Variants in LRRTM4 observed in about 807,000 individuals in gnomAD.
LRRTM4 encodes the protein leucine-rich repeat transmembrane neuronal protein 4.
LRRTM4 carries 25 observed loss-of-function variants against 47.6 expected under a neutral mutation model. The ratio of observed to expected loss-of-function variants is 0.53; its 90% CI spans 0.38 to 0.73. The LOEUF (loss-of-function observed/expected upper bound fraction) is 0.73, where lower values mean the gene tolerates loss of function less well. LRRTM4 is among the 30% of genes least tolerant of loss of function. The pLI is 0.00. For synonymous variants in LRRTM4, 311 were observed against 269.5 expected (o/e 1.15, Z -1.51); for missense variants, 638 against 713.4 (o/e 0.89, Z 1.20).
At chr2:76,876,886 A>G (rs1208745321) in intron 3 of LRRTM4, among the ~76,000 whole-genome samples, 2 of 152,110 alleles carry the variant, frequency 1.3e-5, no homozygotes, top group Non-Finnish European at 2.9e-5. Context: ...GGCAATCAAA[A>G]GGAGATGATG....
rs562022432 is a variant in LRRTM4, at chr2:77,249,075, C to T, written c.1551+269243G>A. On this transcript the variant is annotated intron_variant, in intron 3 of 3. Coordinates refer to ENST00000409884, the MANE Select transcript of LRRTM4 (RefSeq NM_001134745.3). ...TAAAATTAAAAATTTGGGGGCCTGGCGCGGTGGCTCATGACTTTAATCCTA... is the reference window on the plus strand; with the variant it reads ...TAAAATTAAAAATTTGGGGGCCTGGTGCGGTGGCTCATGACTTTAATCCTA... Among the ~76,000 whole-genome samples the T allele has an allele frequency of 1.5e-4, 23 of 152,172 alleles. No individual in the cohort carries two copies. The South Asian group carries it at 3.3e-3, about 22-fold the overall frequency.
intron 3 of LRRTM4, among the ~76,000 whole-genome samples, chr2:77,505,295 A>G (rs1381128273): frequency 6.6e-6 from 1 of 151,380 alleles, no homozygotes; most frequent in Non-Finnish European, 1.5e-5. Context: ...AAAAGCTAAA[A>G]ATTCATTTGG....
intron 3 of LRRTM4, among the ~76,000 whole-genome samples, chr2:77,029,515 A>C (rs1474889523): frequency 6.6e-6 from 1 of 152,126 alleles, no homozygotes; most frequent in Non-Finnish European, 1.5e-5. Context: ...AAATTCAGTT[A>C]AGTCTCCACA....
intron 3 of LRRTM4, among the ~76,000 whole-genome samples, chr2:77,177,004 G>C (rs567169501): frequency 6.6e-6 from 1 of 152,196 alleles, no homozygotes; most frequent in South Asian, 2.1e-4. Context: ...CTGAAAAAGG[G>C]AACAACCCTC....
chr2:77,169,985 T>A (rs1161062075), intron 3 of LRRTM4, among the ~76,000 whole-genome samples: 3 of 152,202 alleles, frequency 2.0e-5, no homozygotes, highest in Non-Finnish European at 4.4e-5. Context: ...TCTAGAAAAT[T>A]ATCTGTGTGA....
At chr2:76,874,874 G>A (rs1445764797) in intron 3 of LRRTM4, among the ~76,000 whole-genome samples, 1 of 151,244 alleles carries the variant, frequency 6.6e-6, no homozygotes, top group Non-Finnish European at 1.5e-5. Context: ...AGTAGCCTTA[G>A]CTCTCATGTT....
intron 3 of LRRTM4, among the ~76,000 whole-genome samples, chr2:76,880,467 T>TAGTACATAA (rs1672898339): frequency 2.0e-5 from 3 of 152,246 alleles, no homozygotes; most frequent in African/African-American, 7.2e-5. Context: ...CATACTACTA[T>TAGTACATAA]TATGTACTTG....
chr2:76,795,373 TATAAGACAATTAACAAA>T (rs1174187356), intron 3 of LRRTM4, among the ~76,000 whole-genome samples: 2 of 151,578 alleles, frequency 1.3e-5, no homozygotes, highest in African/African-American at 4.8e-5. Context: ...ACCAACTTTA[TATAAGACAATTAACAAA>T]AAGTCTATAC....
intron 3 of LRRTM4, among the ~76,000 whole-genome samples, chr2:76,899,693 T>A (rs879325222): frequency 1.3e-5 from 2 of 152,118 alleles, no homozygotes; most frequent in Non-Finnish European, 2.9e-5. Context: ...CTAGGAATAT[T>A]GATAGACTTT....
chr2:77,207,755 A>G (rs1264386483), intron 3 of LRRTM4, among the ~76,000 whole-genome samples: 1 of 151,154 alleles, frequency 6.6e-6, no homozygotes, highest in Non-Finnish European at 1.5e-5. Context: ...ATGTTCCATC[A>G]CTTATTTCAA....
intron 3 of LRRTM4, among the ~76,000 whole-genome samples, chr2:77,161,597 G>C (rs955617521): frequency 1.3e-5 from 2 of 152,048 alleles, no homozygotes; most frequent in East Asian, 1.9e-4. Context: ...TTGTCTGTGA[G>C]TTTTTTCAAA....
chr2:77,399,579 A>G (rs1673856619), intron 3 of LRRTM4, among the ~76,000 whole-genome samples: 1 of 151,918 alleles, frequency 6.6e-6, no homozygotes, highest in Non-Finnish European at 1.5e-5. Flanking sequence ...GTAGTTAACA[A>G]CAATGTGGAT....
At position 76,761,977 on chromosome 2, in the gene LRRTM4, A is replaced by C. The variant is rs576327491; in HGVS notation, c.1552-13061T>G. ...ATGAAATTCGCCATTTGTTGTAGTA[A>C]ATCATAGGAGGAGATGATCTGTATG... On this transcript the variant is annotated intron_variant, in intron 3 of 3. Transcript: ENST00000409884. Among the ~76,000 whole-genome samples the C allele has an allele frequency of 5.5e-4, 84 of 152,272 alleles. 1 individual carries two copies. Among genetic ancestry groups the C allele is most frequent in the Non-Finnish European group, 9.3e-4 (63 of 68,020 alleles).
At chr2:76,884,229 T>C (rs1673008906) in intron 3 of LRRTM4, among the ~76,000 whole-genome samples, 1 of 152,202 alleles carries the variant, frequency 6.6e-6, no homozygotes, top group Non-Finnish European at 1.5e-5. Context: ...AAGGAGATAT[T>C]TCCAAAACTA....
intron 3 of LRRTM4, among the ~76,000 whole-genome samples, chr2:76,784,015 G>A (rs1349699954): frequency 6.6e-6 from 1 of 152,062 alleles, no homozygotes; most frequent in Non-Finnish European, 1.5e-5. Context: ...AATTTTCTAT[G>A]TTTTATTGTG....
At chr2:77,073,261 T>C (rs1680220475) in intron 3 of LRRTM4, among the ~76,000 whole-genome samples, 1 of 152,170 alleles carries the variant, frequency 6.6e-6, no homozygotes, top group African/African-American at 2.4e-5. Flanking sequence ...CATTAACATT[T>C]TAAAATATTA....
intron 3 of LRRTM4, among the ~76,000 whole-genome samples, chr2:77,204,385 A>G (rs1674062430): frequency 6.6e-6 from 1 of 151,942 alleles, no homozygotes. Context: ...TGATGGTGAT[A>G]ATGATGATGA....
chr2:76,927,206 C>T (rs1325108335), intron 3 of LRRTM4, among the ~76,000 whole-genome samples: 1 of 152,016 alleles, frequency 6.6e-6, no homozygotes, highest in East Asian at 1.9e-4. Context: ...TGCATAGTAC[C>T]ATCTTAGGAG....
At chr2:77,313,386 G>T in intron 3 of LRRTM4, among the ~76,000 whole-genome samples, 1 of 151,226 alleles carries the variant, frequency 6.6e-6, no homozygotes, top group Non-Finnish European at 1.5e-5. Flanking sequence ...GGGACCTGGT[G>T]CTGTGATGTG....
Sources: allele counts gnomAD v4.1 joint callset (sites outside exome capture counted in the v4.1 genomes callset), GRCh38; gene constraint gnomAD v4.1.1; transcripts MANE v1.5; gene names NCBI Gene and HGNC (gene_info 2026-07-23, HGNC 2026-07-21).